The following RGS7 variants were observed in gnomAD, a reference collection of about 807,000 sequenced individuals.
The protein encoded by RGS7 is regulator of G protein signaling 7.
RGS7 carries 27 observed loss-of-function variants against 81.1 expected under a neutral mutation model. The ratio of observed to expected loss-of-function variants is 0.33; its 90% confidence interval spans 0.25 to 0.46. The LOEUF is 0.46. Ranked by LOEUF, RGS7 falls within the 20% of genes least tolerant of loss-of-function variation. The pLI, the probability that RGS7 is intolerant of heterozygous loss-of-function variation, is 1.00. For synonymous variants in RGS7, 208 were observed against 207.7 expected (o/e 1.00, Z -0.01); for missense variants, 396 against 607.4 (o/e 0.65, Z 3.66).
chr1:241,175,158 T>C (rs138354105), intron 2 of RGS7, among the ~76,000 whole-genome samples: 6 of 152,228 alleles, frequency 3.9e-5, no homozygotes, highest in African/African-American at 7.2e-5. Flanking sequence ...GGCCTTGGCC[T>C]CTCAAAGTGC....
intron 3 of RGS7, among the ~76,000 whole-genome samples, chr1:241,072,972 A>T (rs2062567002): frequency 6.6e-6 from 1 of 151,992 alleles, no homozygotes; most frequent in Non-Finnish European, 1.5e-5. Flanking sequence ...GACCCTGGAG[A>T]TCTAGCTTCC....
At chr1:240,890,176 C>G (rs1287577795) in intron 6 of RGS7, among the ~76,000 whole-genome samples, 1 of 151,924 alleles carries the variant, frequency 6.6e-6, no homozygotes, top group Admixed American at 6.6e-5. Context: ...TTTTTTGAGA[C>G]GGAGTCTCGC....
intron 3 of RGS7, among the ~76,000 whole-genome samples, chr1:241,027,044 A>T (rs2059824332): frequency 6.6e-6 from 1 of 151,530 alleles, no homozygotes; most frequent in African/African-American, 2.4e-5. Flanking sequence ...ATTAAAAAAA[A>T]AAAAAAAAAT....
intron 2 of RGS7, among the ~76,000 whole-genome samples, chr1:241,254,610 C>G (rs943225896): frequency 6.6e-6 from 1 of 152,148 alleles, no homozygotes; most frequent in African/African-American, 2.4e-5. Flanking sequence ...ATAACATCAC[C>G]TCGGGGATAA....
intron 2 of RGS7, among the ~76,000 whole-genome samples, chr1:241,104,922 T>C (rs1333560681): frequency 6.9e-6 from 1 of 145,662 alleles, no homozygotes; most frequent in Admixed American, 6.8e-5. Flanking sequence ...GTATTTTTGT[T>C]TAAGGCATAT....
intron 2 of RGS7, among the ~76,000 whole-genome samples, chr1:241,233,890 C>G (rs998873409): frequency 1.3e-5 from 2 of 151,742 alleles, no homozygotes; most frequent in African/African-American, 4.8e-5. Context: ...TGAGGGTTCC[C>G]CTTTCTCCAC....
intron 2 of RGS7, among the ~76,000 whole-genome samples, chr1:241,281,882 G>A (rs969076369): frequency 2.0e-5 from 3 of 152,112 alleles, no homozygotes; most frequent in African/African-American, 4.8e-5. Context: ...ACCAATCCAC[G>A]AACATGGCAT....
At chr1:240,889,371 G>A (rs1339051694) in intron 6 of RGS7, among the ~76,000 whole-genome samples, 2 of 152,164 alleles carry the variant, frequency 1.3e-5, no homozygotes, top group Non-Finnish European at 2.9e-5. Flanking sequence ...CAGAAAATAA[G>A]CAGGGAACGT....
intron 2 of RGS7, among the ~76,000 whole-genome samples, chr1:241,105,778 CTG>C (rs2065056710): frequency 6.6e-6 from 1 of 152,162 alleles, no homozygotes; most frequent in Non-Finnish European, 1.5e-5. Flanking sequence ...GTTTTGTACT[CTG>C]TAATTCTGAA....
chr1:241,129,398 T>C (rs2066918909), intron 2 of RGS7, among the ~76,000 whole-genome samples: 1 of 152,100 alleles, frequency 6.6e-6, no homozygotes, highest in African/African-American at 2.4e-5. Context: ...TCTTTCCGTA[T>C]TCTGACTCTA....
chr1:241,238,405 T>C (rs1032397013), intron 2 of RGS7, among the ~76,000 whole-genome samples: 7 of 152,182 alleles, frequency 4.6e-5, no homozygotes, highest in African/African-American at 7.2e-5. Flanking sequence ...GAGGACCAAC[T>C]ATTTAGGAAC....
rs1006551827 is a variant in RGS7 at position 241,066,629 on chromosome 1, A to G, written c.175+32037T>C. On this transcript the variant is annotated intron_variant, in intron 3 of 18. Transcript: ENST00000440928. ...AAACCCCATCTCTTTAGATGAGCCCAACTATTCACACTCTTTCCTCTCGCT... is the reference window on the plus strand; with the variant it reads ...AAACCCCATCTCTTTAGATGAGCCCGACTATTCACACTCTTTCCTCTCGCT... 3.3e-5 allele frequency among the ~76,000 whole-genome samples: 5 copies of G among 151,860 alleles called. No individual in the cohort carries two copies. The East Asian group carries it at 9.8e-4, about 30-fold the overall frequency.
chr1:241,176,766 A>G (rs191634937), intron 2 of RGS7, among the ~76,000 whole-genome samples: 25 of 152,152 alleles, frequency 1.6e-4, no homozygotes, highest in Admixed American at 1.0e-3. Context: ...AAGACTTATG[A>G]CCTGAGGGAA....
At chr1:241,072,625 G>A (rs1372812640) in intron 3 of RGS7, among the ~76,000 whole-genome samples, 4 of 152,102 alleles carry the variant, frequency 2.6e-5, no homozygotes, top group Non-Finnish European at 5.9e-5. Flanking sequence ...CCAGGTTGAT[G>A]GTGTCCTGTG....
chr1:241,213,923 C>T lies in RGS7; in HGVS notation c.79-115161G>A, dbSNP rs527646873. 8.5e-4 allele frequency among the ~76,000 whole-genome samples: 130 copies of T among 152,178 alleles called. 1 individual carries two copies. The South Asian group carries it at 0.025, about 29-fold the overall frequency. ...GGGACTACAGGTGTGTGCCACCATGCCTGGGTAATTTTTTCTACTTTTAGT... is the reference window on the plus strand; with the variant it reads ...GGGACTACAGGTGTGTGCCACCATGTCTGGGTAATTTTTTCTACTTTTAGT... On this transcript the variant is annotated intron_variant, in intron 2 of 18. Coordinates refer to ENST00000440928, the MANE Select transcript of RGS7 (RefSeq NM_001364886.1).
At chr1:241,107,028 C>T (rs2065168007) in intron 2 of RGS7, among the ~76,000 whole-genome samples, 1 of 152,018 alleles carries the variant, frequency 6.6e-6, no homozygotes, top group Admixed American at 6.6e-5. Flanking sequence ...GACAGAATCC[C>T]AAATTCAATT....
rs74676341 is a variant in RGS7 at position 240,990,696 on chromosome 1, T to C, written c.176-7567A>G. Among the ~76,000 whole-genome samples, 1,286 of 152,376 alleles carry C rather than the reference T, an allele frequency of 8.4e-3. 19 individuals carry two copies. Among genetic ancestry groups the C allele is most frequent in the African/African-American group, 0.03 (1,234 of 41,592 alleles). On this transcript the variant is annotated intron_variant, in intron 3 of 18. Transcript: ENST00000440928. ...TTAACTTCTGCTCACAGTTTGAAAC[T>C]GGATCAAACTTATGATATAAAGCCC...
Position 241,246,001 on chromosome 1 carries a change from G to A in RGS7, c.78+109698C>T, listed in dbSNP as rs531769684. On this transcript the variant is annotated intron_variant, in intron 2 of 18. Transcript: ENST00000440928. ...CGCCTGTAGTCCCAGCTACTCGGAAGGCTGAGGCAGGAGAATGGCGTGAAC... is the reference window on the plus strand; with the variant it reads ...CGCCTGTAGTCCCAGCTACTCGGAAAGCTGAGGCAGGAGAATGGCGTGAAC... Among the ~76,000 whole-genome samples the A allele has an allele frequency of 3.3e-5, 5 of 152,144 alleles. No individual in the cohort carries two copies. In the East Asian group the frequency reaches 5.8e-4, roughly 18 times the overall value.
At chr1:241,058,288 A>G (rs2061574487) in intron 3 of RGS7, among the ~76,000 whole-genome samples, 1 of 152,200 alleles carries the variant, frequency 6.6e-6, no homozygotes, top group South Asian at 2.1e-4. Flanking sequence ...CACACTGCCC[A>G]TGCTCACCTC....
Sources: allele counts gnomAD v4.1 joint callset (sites outside exome capture counted in the v4.1 genomes callset), GRCh38; gene constraint gnomAD v4.1.1; transcripts MANE v1.5; gene names NCBI Gene and HGNC (gene_info 2026-07-23, HGNC 2026-07-21).